The following INPP5A variants were observed in gnomAD, a reference collection of about 807,000 sequenced individuals.
INPP5A encodes inositol polyphosphate-5-phosphatase A.
A neutral mutation model predicts 65.2 loss-of-function variants in INPP5A; 14 were observed. The ratio of observed to expected loss-of-function variants is 0.21; its 90% CI spans 0.14 to 0.34. The LOEUF is 0.34. Ranked by LOEUF, INPP5A falls within the 10% of genes least tolerant of loss-of-function variation. The probability of loss-of-function intolerance (pLI) is 1.00; values close to 1 mark genes in which losing one functional copy is unlikely to be tolerated. For missense variants in INPP5A, 431 were observed against 545.6 expected (o/e 0.79, Z 2.09); for synonymous variants, 207 against 208.3 (o/e 0.99, Z 0.05).
intron 1 of INPP5A, among the ~76,000 whole-genome samples, chr10:132,568,307 T>C (rs1482768763): frequency 2.0e-5 from 3 of 152,122 alleles, no homozygotes; most frequent in Non-Finnish European, 2.9e-5. Flanking sequence ...CTGGAAGCCA[T>C]TTCCATGTGT....
At chr10:132,601,606 C>T (rs1483925189) in intron 1 of INPP5A, among the ~76,000 whole-genome samples, 5 of 152,186 alleles carry the variant, frequency 3.3e-5, no homozygotes, top group Non-Finnish European at 7.3e-5. Context: ...CCTATGTTTT[C>T]TTCTAAGAAT....
chr10:132,714,600 C>G (rs903840943), intron 8 of INPP5A, among the ~76,000 whole-genome samples: 2 of 152,278 alleles, frequency 1.3e-5, no homozygotes, highest in Middle Eastern at 6.8e-3. Context: ...AGCACCAGGC[C>G]CAGGAGGGAG....
intron 1 of INPP5A, among the ~76,000 whole-genome samples, chr10:132,593,323 C>T (rs558922101): frequency 1.7e-4 from 26 of 151,968 alleles, no homozygotes; most frequent in African/African-American, 5.5e-4. Flanking sequence ...GGGAGCCCTG[C>T]GGGCCTGCTG....
chr10:132,648,633 T>A (rs2072531390), intron 3 of INPP5A, among the ~76,000 whole-genome samples: 1 of 152,250 alleles, frequency 6.6e-6, no homozygotes. Context: ...TTGAAAGCTG[T>A]TTTTGTTGTA....
In INPP5A at chr10:132,634,229, C is replaced by T. The variant is rs554583280; in HGVS notation, c.118-11639C>T. 4.7e-5 allele frequency among the ~76,000 whole-genome samples: 7 copies of T among 148,570 alleles called. No individual in the cohort carries two copies. In the East Asian group the frequency reaches 5.9e-4, roughly 12 times the overall value. ...AAGTTAGGAGTGCCATCTCCCTTGG[C>T]GGGTGTGCCCCGGAGAGGCGTGTCA... On this transcript the variant is annotated intron_variant, in intron 2 of 15. Coordinates refer to ENST00000368594, the MANE Select transcript of INPP5A (RefSeq NM_005539.5).
At chr10:132,576,188 G>A (rs1053441860) in intron 1 of INPP5A, among the ~76,000 whole-genome samples, 17 of 152,350 alleles carry the variant, frequency 1.1e-4, no homozygotes, top group Admixed American at 3.9e-4. Flanking sequence ...GCCGTGGTCC[G>A]GGGCTGTGGC....
At chr10:132,717,990 C>T in intron 8 of INPP5A, among the ~76,000 whole-genome samples, 1 of 139,390 alleles carries the variant, frequency 7.2e-6, no homozygotes, top group Admixed American at 7.5e-5. Context: ...GCGCCTTAGA[C>T]AGCTGTCTTC....
chr10:132,731,534 G>A (rs1022505397), intron 9 of INPP5A, among the ~76,000 whole-genome samples: 90 of 152,312 alleles, frequency 5.9e-4, no homozygotes, highest in South Asian at 8.3e-4. Flanking sequence ...CCCCTGCCTC[G>A]TATCAGACGC....
intron 11 of INPP5A, 125 bp from the exon 12 acceptor site, chr10:132,765,648 T>A (rs898609259): frequency 6.0e-6 from 4 of 669,548 alleles, no homozygotes; most frequent in Non-Finnish European, 1.1e-5. Flanking sequence ...TGGTGACAGA[T>A]GTGGCGGCTC....
intron 1 of INPP5A, among the ~76,000 whole-genome samples, chr10:132,564,676 G>A (rs1367117916): frequency 1.3e-5 from 2 of 152,252 alleles, no homozygotes; most frequent in African/African-American, 4.8e-5. Context: ...CCAAATGGCA[G>A]TGAGTGCAGG....
At chr10:132,702,470 G>A (rs1305375513) in intron 6 of INPP5A, among the ~76,000 whole-genome samples, 6 of 152,188 alleles carry the variant, frequency 3.9e-5, no homozygotes, top group Admixed American at 3.9e-4. Context: ...AAACTCAGGA[G>A]AAGAATAATT....
At chr10:132,623,915 G>A (rs2072140178) in intron 2 of INPP5A, among the ~76,000 whole-genome samples, 1 of 152,210 alleles carries the variant, frequency 6.6e-6, no homozygotes, top group Admixed American at 6.5e-5. Context: ...AGCTTCAGTA[G>A]TCTTTCGGGA....
intron 11 of INPP5A, among the ~76,000 whole-genome samples, chr10:132,760,063 G>A (rs974177794): frequency 1.2e-4 from 18 of 152,228 alleles, no homozygotes; most frequent in Non-Finnish European, 2.4e-4. Context: ...ACACCGTGCA[G>A]GAAGCCCGGT....
chr10:132,737,030 G>A (rs188245535), intron 9 of INPP5A, among the ~76,000 whole-genome samples: 1 of 152,382 alleles, frequency 6.6e-6, no homozygotes, highest in Admixed American at 6.5e-5. Flanking sequence ...GACAGACAGG[G>A]ATGACTGTGC....
intron 1 of INPP5A, among the ~76,000 whole-genome samples, chr10:132,588,267 T>G (rs564011315): frequency 6.6e-6 from 1 of 152,220 alleles, no homozygotes; most frequent in South Asian, 2.1e-4. Flanking sequence ...ATAGTTCTCT[T>G]GCTCTGTGAG....
intron 4 of INPP5A, among the ~76,000 whole-genome samples, chr10:132,655,172 A>C (rs1397402835): frequency 6.6e-6 from 1 of 152,190 alleles, no homozygotes; most frequent in Non-Finnish European, 1.5e-5. Flanking sequence ...GCTGGAAGAC[A>C]CCTGAGTGCC....
chr10:132,576,941 G>A (rs891164169), intron 1 of INPP5A, among the ~76,000 whole-genome samples: 1 of 152,230 alleles, frequency 6.6e-6, no homozygotes, highest in Non-Finnish European at 1.5e-5. Flanking sequence ...GGTCACACCC[G>A]CTGAATTGCT....
intron 2 of INPP5A, among the ~76,000 whole-genome samples, chr10:132,638,169 T>G (rs2072381309): frequency 6.6e-6 from 1 of 152,216 alleles, no homozygotes; most frequent in Non-Finnish European, 1.5e-5. Context: ...TCAGGGCTGC[T>G]ACTTCTCTCT....
rs1412402031 is a variant in INPP5A, at chr10:132,693,651, G to A, written c.370+3196G>A. On this transcript the variant is annotated intron_variant, in intron 5 of 15. Transcript: ENST00000368594. ...GAAAAGTAAATTAAACCAAAAGCTG[G>A]TTGTTTGAAAAAAACAATAAAATGG... Among the ~76,000 whole-genome samples, 3 of 152,028 alleles carry A rather than the reference G, an allele frequency of 2.0e-5. No homozygotes were observed. The East Asian group carries it at 5.8e-4, about 29-fold the overall frequency.
Sources: gnomAD v4.1 joint callset for allele counts (sites outside exome capture counted in the v4.1 genomes callset) on GRCh38, gnomAD v4.1.1 for gene constraint, MANE v1.5 for transcripts, NCBI Gene and HGNC (gene_info 2026-07-23, HGNC 2026-07-21) for gene names.